The following BUD13 variants were observed in gnomAD, a reference collection of about 807,000 sequenced individuals.
The protein encoded by BUD13 is BUD13 homolog.
BUD13 carries 47 observed loss-of-function variants against 62.5 expected under a neutral mutation model. The ratio of observed to expected loss-of-function variants is 0.75; its 90% CI spans 0.60 to 0.96. The LOEUF is 0.96. Among genes scored for constraint, BUD13 ranks in the 40% least tolerant of loss-of-function variants. BUD13 has a pLI of 0.00. For missense variants in BUD13, 821 were observed against 790.9 expected (o/e 1.04, Z -0.46); for synonymous variants, 293 against 280.1 (o/e 1.05, Z -0.46).
At chr11:116,765,590 G>T in intron 2 of BUD13, 144 bp from the exon 3 acceptor site, 1 of 731,174 alleles carries the variant, frequency 1.4e-6, no homozygotes, top group Non-Finnish European at 2.3e-6. Flanking sequence ...AAGTAAGTAG[G>T]GGTCTTCAGT....
chr11:116,750,940 T>C (rs1374064836), intron 9 of BUD13, among the ~76,000 whole-genome samples: 1 of 152,178 alleles, frequency 6.6e-6, no homozygotes, highest in East Asian at 1.9e-4. Flanking sequence ...CCATGGTGTC[T>C]CATAGCCTTA....
At chr11:116,770,389 C>T (rs959499047) in intron 1 of BUD13, among the ~76,000 whole-genome samples, 167 bp from the exon 2 acceptor site, 9 of 152,230 alleles carry the variant, frequency 5.9e-5, no homozygotes, top group African/African-American at 2.2e-4. Flanking sequence ...TGGTTGAACA[C>T]CTCCCTGGTC....
intron 1 of BUD13, among the ~76,000 whole-genome samples, chr11:116,771,106 G>C (rs1448984811): frequency 6.6e-6 from 1 of 152,124 alleles, no homozygotes; most frequent in African/African-American, 2.4e-5. Context: ...TCATTCTTCA[G>C]GTCCTAACAC....
chr11:116,749,121 A>G (rs1490874027), intron 9 of BUD13, among the ~76,000 whole-genome samples: 2 of 152,236 alleles, frequency 1.3e-5, no homozygotes, highest in Admixed American at 6.5e-5. Flanking sequence ...CCACTCTGAC[A>G]GCTATTTCAA....
chr11:116,765,282 CCTCTAAAGAAAAGTAT>C, intron 3 of BUD13, 64 bp downstream of exon 3: 1 of 1,434,166 alleles, frequency 7.0e-7, no homozygotes, highest in Non-Finnish European at 9.7e-7. Context: ...ACTATGCATT[CCTCTAAAGAAAAGTAT>C]AGAAAAGGAA....
chr11:116,752,287 T>C (rs957034078), intron 9 of BUD13, among the ~76,000 whole-genome samples: 7 of 152,154 alleles, frequency 4.6e-5, no homozygotes, highest in Admixed American at 6.6e-5. Context: ...AATTATCTTA[T>C]GGGTTTTTCC....
In BUD13 at chr11:116,748,435, C is replaced by G; in HGVS notation, c.*47G>C. ...ACTGTTACCACTGGATATCTCGCTG[C>G]CTATGCCCACTACCACAGCCCAGCC... On this transcript the variant is annotated 3_prime_UTR_variant, in exon 10 of 10. Coordinates refer to ENST00000260210, the MANE Select transcript of BUD13 (RefSeq NM_032725.4). 1 of 1,533,026 alleles carries G rather than the reference C, an allele frequency of 6.5e-7. No homozygotes were observed. The highest frequency in any genetic ancestry group is 1.7e-4 in the Middle Eastern group (1 of 5,894). 95.0% of individuals were successfully genotyped at this position (1,533,026 alleles called of 1,614,324 possible).
At chr11:116,748,671 G>T in intron 9 of BUD13, 96 bp from the exon 10 acceptor site, 2 of 1,228,632 alleles carry the variant, frequency 1.6e-6, no homozygotes, top group Non-Finnish European at 2.4e-6. Flanking sequence ...GAAAAGGGGG[G>T]AAAGTAAGGA....
chr11:116,763,106 A>C lies in BUD13; in HGVS notation c.483T>G (p.Asp161Glu), dbSNP rs763615557. The C allele has an allele frequency of 6.3e-7, 1 of 1,579,762 alleles. No homozygotes were observed. Among genetic ancestry groups the C allele is most frequent in the Non-Finnish European group, 8.7e-7 (1 of 1,156,058 alleles). The change falls in exon 4 of 10, where the codon GAT becomes GAG. Residue 161 changes from aspartate to glutamate, a missense_variant. Around this residue, in one of 2 missense-constraint regions of BUD13, gnomAD observed 800 missense variants for 739.2 expected, o/e 1.08. Transcript: ENST00000260210. ...SPRRARHDTP[D>E]PSPLRGARHD... ...GACGAGCCCCTCTGAGGGGAGAAGG[A>C]TCCGGGGTGTCATGACGGGCCCTCC...
chr11:116,761,064 A>AT lies in BUD13; in HGVS notation c.1037-113dup. ...TAGAAATTAAAGAATTCCTTACATTATTATTATTTTTTTTTTTTTGAGACA... is the reference window on the plus strand; with the variant it reads ...TAGAAATTAAAGAATTCCTTACATTATTTATTATTTTTTTTTTTTTGAGACA... On this transcript the variant is annotated intron_variant, in intron 4 of 9. Transcript: ENST00000260210. 5.8e-6 allele frequency: 5 copies of AT among 867,760 alleles called. No individual in the cohort carries two copies. In the East Asian group the frequency reaches 8.6e-5, roughly 15 times the overall value. The allele number at this position is 867,760 out of a possible 1,614,324, so 53.8% of individuals were successfully genotyped here.
intron 2 of BUD13, among the ~76,000 whole-genome samples, chr11:116,769,014 C>CAAAAAAAAA (rs34626460): frequency 1.1e-5 from 1 of 90,176 alleles, no homozygotes; most frequent in Non-Finnish European, 2.2e-5. Context: ...GACTCCGTCT[C>CAAAAAAAAA]AAAAAAAAAA....
chr11:116,751,533 C>T (rs1322259128), intron 9 of BUD13, among the ~76,000 whole-genome samples: 3 of 151,900 alleles, frequency 2.0e-5, no homozygotes, highest in African/African-American at 7.3e-5. Flanking sequence ...GAGGCTGAGG[C>T]AAGAGAATTG....
At chr11:116,759,708 C>T (rs1480369148) in intron 5 of BUD13, among the ~76,000 whole-genome samples, 1 of 152,146 alleles carries the variant, frequency 6.6e-6, no homozygotes, top group Admixed American at 6.5e-5. Context: ...TATCCTTCAG[C>T]AACGAAATTG....
chr11:116,768,873 G>T (rs1230494775), intron 2 of BUD13, among the ~76,000 whole-genome samples: 2 of 151,868 alleles, frequency 1.3e-5, no homozygotes, highest in Non-Finnish European at 2.9e-5. Context: ...AAATTAGCCG[G>T]GCGTGTTGGT....
chr11:116,749,582 A>G (rs1940198368), intron 9 of BUD13, among the ~76,000 whole-genome samples: 1 of 152,240 alleles, frequency 6.6e-6, no homozygotes, highest in Non-Finnish European at 1.5e-5. Flanking sequence ...TGGTATGTGC[A>G]GCAAACCAAA....
At position 116,765,453 on chromosome 11, in the gene BUD13, G is replaced by C; in HGVS notation, c.238-7C>G. 1 of 1,614,062 alleles carries C rather than the reference G, an allele frequency of 6.2e-7. No individual in the cohort carries two copies. On this transcript the variant is annotated splice_region_variant and splice_polypyrimidine_tract_variant and intron_variant, in intron 2 of 9. Coordinates refer to ENST00000260210, the MANE Select transcript of BUD13 (RefSeq NM_032725.4). Reference sequence around the variant, plus strand: ...CATCCACAAACTCTGCCACCTGTGAGAGTAAAGATTTCCTATCTTAGGAAA... The same window carrying C: ...CATCCACAAACTCTGCCACCTGTGACAGTAAAGATTTCCTATCTTAGGAAA...
rs148417508 is a variant in BUD13 at position 116,766,029 on chromosome 11, G to A, written c.238-583C>T. ...TAGTATTCCTAATAAGTGGTCACTC[G>A]CCCAATCCCTTCCTGACAAGGAACT... On this transcript the variant is annotated intron_variant, in intron 2 of 9. Coordinates refer to ENST00000260210, the MANE Select transcript of BUD13 (RefSeq NM_032725.4). Among the ~76,000 whole-genome samples the A allele has an allele frequency of 5.6e-3, 860 of 152,226 alleles. 13 individuals are homozygous for A. Among genetic ancestry groups the A allele is most frequent in the African/African-American group, 0.02 (812 of 41,550 alleles).
chr11:116,753,489 G>A (rs1454063976), intron 9 of BUD13, among the ~76,000 whole-genome samples: 4 of 152,192 alleles, frequency 2.6e-5, no homozygotes, highest in African/African-American at 4.8e-5. Flanking sequence ...CTACCTGCTA[G>A]AATAAAAACT....
chr11:116,765,576 G>T, intron 2 of BUD13, 130 bp from the exon 3 acceptor site: 1 of 856,610 alleles, frequency 1.2e-6, no homozygotes, highest in Non-Finnish European at 1.9e-6. Context: ...AAATGGTCAT[G>T]AAGAAGTAAG....
Sources: gnomAD v4.1 joint callset for allele counts (sites outside exome capture counted in the v4.1 genomes callset) on GRCh38, gnomAD v4.1.1 for gene constraint, gnomAD v4.1.1 regional missense constraint, MANE v1.5 for transcripts, NCBI Gene and HGNC (gene_info 2026-07-23, HGNC 2026-07-21) for gene names.